Variants in GRK7 observed in about 807,000 individuals in gnomAD.
The protein encoded by GRK7 is rhodopsin kinase GRK7.
In GRK7, 24 loss-of-function variants were observed where a neutral mutation model predicts 34.1. The observed-to-expected ratio is 0.70, with a 90% CI of 0.51 to 0.99. The LOEUF (loss-of-function observed/expected upper bound fraction) is 0.99. Ranked by LOEUF, GRK7 falls within the 50% of genes least tolerant of loss-of-function variation. GRK7 has a pLI of 0.00. For missense variants in GRK7, 644 were observed against 707.3 expected (o/e 0.91, Z 1.02); for synonymous variants, 256 against 279.4 (o/e 0.92, Z 0.84).
chr3:141,792,107 T>C (rs138462285), intron 4 of GRK7, among the ~76,000 whole-genome samples: 206 of 150,622 alleles, frequency 1.4e-3, no homozygotes, highest in African/African-American at 4.9e-3. Context: ...AAGATAGAAC[T>C]TAATAAACAT....
the GRK7 span, among the ~76,000 whole-genome samples, chr3:141,752,333 G>C: frequency 6.6e-6 from 1 of 152,102 alleles, no homozygotes; most frequent in Non-Finnish European, 1.5e-5. Context: ...GACATTTGGC[G>C]ATGTCTGGAG....
chr3:141,769,939 G>T (rs1312223138), intron 1 of GRK7, among the ~76,000 whole-genome samples: 1 of 152,152 alleles, frequency 6.6e-6, no homozygotes, highest in Non-Finnish European at 1.5e-5. Flanking sequence ...TTTTGAGACA[G>T]AGCCTTGCCC....
At chr3:141,804,435 T>G (rs1216442223) in intron 4 of GRK7, among the ~76,000 whole-genome samples, 2 of 152,190 alleles carry the variant, frequency 1.3e-5, no homozygotes, top group Non-Finnish European at 2.9e-5. Flanking sequence ...TTACACTTTT[T>G]CTGACTCCAT....
chr3:141,788,312 A>G (rs1044032681), intron 4 of GRK7, among the ~76,000 whole-genome samples: 1 of 152,154 alleles, frequency 6.6e-6, no homozygotes, highest in Non-Finnish European at 1.5e-5. Flanking sequence ...GACACTATCT[A>G]AAATGAAAGA....
intron 5 of GRK7, among the ~76,000 whole-genome samples, chr3:141,811,506 G>T (rs1711091969): frequency 6.6e-6 from 1 of 152,104 alleles, no homozygotes; most frequent in South Asian, 2.1e-4. Flanking sequence ...AGCCTTTTTA[G>T]TAAAGCATCT....
chr3:141,760,578 A>G (rs1463747851), upstream of GRK7, among the ~76,000 whole-genome samples: 1 of 148,588 alleles, frequency 6.7e-6, no homozygotes, highest in African/African-American at 2.5e-5. Context: ...GTGCTGAAAA[A>G]AATGTATATT....
chr3:141,803,706 CTTCA>C (rs147304241), intron 4 of GRK7, among the ~76,000 whole-genome samples: 2,142 of 152,272 alleles, frequency 0.014, 43 homozygotes, highest in African/African-American at 0.05. Flanking sequence ...TGTATCAGTA[CTTCA>C]TTCCTTTCTT....
intron 4 of GRK7, among the ~76,000 whole-genome samples, chr3:141,799,495 C>A (rs1710928865): frequency 6.6e-6 from 1 of 151,960 alleles, no homozygotes; most frequent in Non-Finnish European, 1.5e-5. Context: ...GCCTGTAATC[C>A]CAGCTACTCA....
the GRK7 span, among the ~76,000 whole-genome samples, chr3:141,757,129 C>CTTTTTTTTTCTTT: frequency 9.9e-6 from 1 of 101,358 alleles, no homozygotes; most frequent in African/African-American, 4.1e-5. Context: ...AGATCTTCTT[C>CTTTTTTTTTCTTT]TTTTTTTTTT....
At chr3:141,816,657 A>G (rs1711156252) in intron 5 of GRK7, 57 bp from the exon 6 acceptor site, 3 of 964,146 alleles carry the variant, frequency 3.1e-6, no homozygotes, top group South Asian at 3.5e-5. Flanking sequence ...TTGTTAGAAC[A>G]TGTCCCATTT....
At chr3:141,807,432 C>T (rs993058037) in intron 4 of GRK7, among the ~76,000 whole-genome samples, 2 of 152,132 alleles carry the variant, frequency 1.3e-5, no homozygotes, top group South Asian at 2.1e-4. Context: ...TTGGCCAAAA[C>T]GGGTCGCATG....
chr3:141,773,723 T>C (rs1201526229), intron 1 of GRK7, among the ~76,000 whole-genome samples: 4 of 152,212 alleles, frequency 2.6e-5, no homozygotes, highest in African/African-American at 7.2e-5. Flanking sequence ...CTGATGGTCG[T>C]GATTTAAAAG....
At chr3:141,805,146 A>AC (rs1376543180) in intron 4 of GRK7, among the ~76,000 whole-genome samples, 3 of 151,816 alleles carry the variant, frequency 2.0e-5, no homozygotes, top group East Asian at 1.9e-4. Flanking sequence ...GCACACACTG[A>AC]CCCCGTGGGC....
chr3:141,764,296 G>T lies in GRK7; in HGVS notation c.-1657G>T, dbSNP rs1017355880. Among the ~76,000 whole-genome samples, 4 of 152,086 alleles carry T rather than the reference G, an allele frequency of 2.6e-5. No individual in the cohort carries two copies. Among genetic ancestry groups the T allele is most frequent in the African/African-American group, 4.8e-5 (2 of 41,408 alleles). On this transcript the variant is annotated 5_prime_UTR_variant, in exon 1 of 6. Coordinates refer to ENST00000682958, the MANE Select transcript of GRK7 (RefSeq NM_139209.3). ...CACACCCTTAAGCAAGACTCCTCAA[G>T]AGTAGCTTACACTAGCTGCCTCCAA...
At chr3:141,753,778 C>T in the GRK7 span, among the ~76,000 whole-genome samples, 1 of 152,184 alleles carries the variant, frequency 6.6e-6, no homozygotes, top group Admixed American at 6.5e-5. Context: ...TTTTAAAACA[C>T]TAAGAGCATA....
chr3:141,771,805 C>T (rs2107872980), intron 1 of GRK7, among the ~76,000 whole-genome samples: 1 of 152,202 alleles, frequency 6.6e-6, no homozygotes, highest in East Asian at 1.9e-4. Context: ...CTGTCTCAGC[C>T]TCCCAAGTAG....
In GRK7 at chr3:141,790,656, A is replaced by G. The variant is rs535489028; in HGVS notation, c.1050+9845A>G. Among the ~76,000 whole-genome samples the G allele has an allele frequency of 9.9e-5, 15 of 151,030 alleles. 1 individual carries two copies. The highest frequency in any genetic ancestry group is 3.7e-4 in the African/African-American group (15 of 41,076). ...TTGGCTCACTGCGACCTCTGCCTCC[A>G]GGGTTCAAGCAATTCTCATGCCTCA... On this transcript the variant is annotated intron_variant, in intron 4 of 5. Coordinates refer to ENST00000682958, the MANE Select transcript of GRK7 (RefSeq NM_139209.3).
rs1559837136 is a variant in GRK7 at position 141,764,799 on chromosome 3, A to G, written c.-1154A>G. On this transcript the variant is annotated 5_prime_UTR_variant, in exon 1 of 6. Transcript: ENST00000682958. ...TAACAGGTACAAGACTGAGCTCTTG[A>G]TCTTCCCCACACCCTGCTCCTCCAG... Among the ~76,000 whole-genome samples, 1 of 152,008 alleles carries G rather than the reference A, an allele frequency of 6.6e-6. No individual in the cohort carries two copies. Among genetic ancestry groups the G allele is most frequent in the African/African-American group, 2.4e-5 (1 of 41,380 alleles).
intron 4 of GRK7, among the ~76,000 whole-genome samples, chr3:141,795,450 C>T (rs895538486): frequency 3.9e-5 from 6 of 152,220 alleles, no homozygotes; most frequent in Admixed American, 2.0e-4. Context: ...AGGCCTGAGG[C>T]TCAGTCGCAG....
Sources: allele counts gnomAD v4.1 joint callset (sites outside exome capture counted in the v4.1 genomes callset), GRCh38; gene constraint gnomAD v4.1.1; transcripts MANE v1.5; gene names NCBI Gene and HGNC (gene_info 2026-07-23, HGNC 2026-07-21).